RELCH: variants seen among roughly 807,000 people sequenced by gnomAD.
The protein encoded by RELCH is RAB11-binding protein RELCH.
A neutral mutation model predicts 150.3 loss-of-function variants in RELCH; 41 were observed. The observed-to-expected ratio is 0.27, with a 90% CI of 0.21 to 0.35. The LOEUF (loss-of-function observed/expected upper bound fraction) is 0.35, where lower values mean the gene tolerates loss of function less well. Among genes scored for constraint, RELCH ranks in the 10% least tolerant of loss-of-function variants. The pLI, the probability that RELCH is intolerant of heterozygous loss-of-function variation, is 1.00. For missense variants in RELCH, 1,092 were observed against 1,467.8 expected (o/e 0.74, Z 4.18); for synonymous variants, 478 against 531.8 (o/e 0.90, Z 1.39).
intron 1 of RELCH, among the ~76,000 whole-genome samples, chr18:62,200,964 C>CTTTTTTTTTTTTTT (rs543882947): frequency 1.8e-5 from 1 of 55,002 alleles, no homozygotes; most frequent in Non-Finnish European, 3.1e-5. Flanking sequence ...TTTTTCTTTG[C>CTTTTTTTTTTTTTT]TTTTTTTTTT....
intron 8 of RELCH, 57 bp downstream of exon 8, chr18:62,228,655 A>T: frequency 7.5e-7 from 1 of 1,340,332 alleles, no homozygotes; most frequent in Middle Eastern, 1.9e-4. Context: ...TACATGTCAA[A>T]CGGGAAGAGC....
chr18:62,274,222 G>T, intron 21 of RELCH, 136 bp downstream of exon 21: 1 of 586,248 alleles, frequency 1.7e-6, no homozygotes, highest in Non-Finnish European at 3.0e-6. Context: ...GGGTTTTTTT[G>T]TGTATTTTAG....
chr18:62,296,560 TG>T (rs1369909418), intron 27 of RELCH, among the ~76,000 whole-genome samples: 1 of 151,982 alleles, frequency 6.6e-6, no homozygotes, highest in Non-Finnish European at 1.5e-5. Context: ...CACTCCAGCC[TG>T]GGCAACAAGA....
intron 1 of RELCH, among the ~76,000 whole-genome samples, chr18:62,197,093 GAT>G (rs2039100679): frequency 6.6e-6 from 1 of 152,128 alleles, no homozygotes. Flanking sequence ...GTGAAGGAAA[GAT>G]AATAGCTCTT....
intron 1 of RELCH, among the ~76,000 whole-genome samples, chr18:62,191,980 C>T (rs1428446310): frequency 6.6e-6 from 1 of 152,180 alleles, no homozygotes; most frequent in Non-Finnish European, 1.5e-5. Flanking sequence ...CGCTGTCTTC[C>T]ACAATGGTTT....
rs61686710 is a variant in RELCH, at chr18:62,285,119, TTTTGTTTG to T, written c.3254-2209_3254-2202del. On this transcript the variant is annotated intron_variant, in intron 25 of 28. Coordinates refer to ENST00000644646, the MANE Select transcript of RELCH (RefSeq NM_001346231.2). Reference sequence around the variant, plus strand: ...TTTGAACGTTTTCTGATATACAGTTTTTTGTTTGTTTGTTTGTTTGTTTGTTTGTTGTT... The same window carrying T: ...TTTGAACGTTTTCTGATATACAGTTTTTTGTTTGTTTGTTTGTTTGTTGTT... Among the ~76,000 whole-genome samples the T allele has an allele frequency of 1.4e-4, 21 of 150,840 alleles. 1 individual carries two copies. Among genetic ancestry groups the T allele is most frequent in the Admixed American group, 4.0e-4 (6 of 15,138 alleles).
rs546632543 is a variant in RELCH at position 62,261,540 on chromosome 18, A to C, written c.2232A>C (p.Lys744Asn). Residue 744 changes from lysine (K) to asparagine (N), a missense_variant, in exon 16 of 29, where the codon AAA becomes AAC. By Grantham distance (94) the Lys-to-Asn change is moderately conservative (BLOSUM62 0). This residue lies in a region of RELCH where 707 missense variants were observed against 1,025.4 expected (regional missense o/e 0.69). Transcript: ENST00000644646. ...GAGAACATGGACTGGATGAACACAAACTCCACATGTATCTTTCTGCCTTGC... is the reference window on the plus strand; with the variant it reads ...GAGAACATGGACTGGATGAACACAACCTCCACATGTATCTTTCTGCCTTGC... ...REGEHGLDEH[K>N]LHMYLSALQS... is the part of the protein sequence containing the mutation. 18 of 1,611,772 alleles carry C rather than the reference A, an allele frequency of 1.1e-5. No homozygotes were observed. The Admixed American group carries it at 2.2e-4, about 19-fold the overall frequency.
chr18:62,287,576 G>T, intron 26 of RELCH, 109 bp downstream of exon 26: 1 of 696,852 alleles, frequency 1.4e-6, no homozygotes, highest in Non-Finnish European at 2.5e-6. Context: ...CTTACATTAA[G>T]CGTTGTAGAA....
intron 23 of RELCH, chr18:62,280,252 A>G: frequency 1.2e-6 from 1 of 862,470 alleles, no homozygotes; most frequent in South Asian, 1.5e-5. Flanking sequence ...GTGGATGACT[A>G]AACCAAGAAA....
chr18:62,282,253 A>G (rs2044554266), intron 24 of RELCH, 53 bp from the exon 25 acceptor site: 2 of 1,497,022 alleles, frequency 1.3e-6, no homozygotes, highest in Non-Finnish European at 1.9e-6. Context: ...CTTTAACAAC[A>G]CTACTCAGTT....
chr18:62,226,889 T>C (rs2041249049), intron 5 of RELCH, among the ~76,000 whole-genome samples: 1 of 152,094 alleles, frequency 6.6e-6, no homozygotes, highest in Admixed American at 6.6e-5. Flanking sequence ...ATGTTGGGTT[T>C]TCAATATATT....
intron 7 of RELCH, 22 bp downstream of exon 7, chr18:62,227,711 C>T (rs766692891): frequency 2.4e-6 from 3 of 1,239,526 alleles, no homozygotes; most frequent in Non-Finnish European, 3.4e-6. Context: ...ATCATTATTC[C>T]TAAAAATCCT....
chr18:62,259,956 GAAAA>G (rs1258573325), intron 15 of RELCH, among the ~76,000 whole-genome samples: 2 of 151,672 alleles, frequency 1.3e-5, no homozygotes, highest in Non-Finnish European at 3.0e-5. Context: ...ACTACTAAAA[GAAAA>G]CATTGTTTCA....
At position 62,194,181 on chromosome 18, in the gene RELCH, A is replaced by G. The variant is rs1012537861; in HGVS notation, c.526+6150A>G. ...GAGGATCGCTTGAGCCCAGGTGGCC[A>G]AGGCTGCAGTGAGCCATGATACCAC... is the stretch of plus-strand genomic sequence containing the variant. On this transcript the variant is annotated intron_variant, in intron 1 of 28. Coordinates refer to ENST00000644646, the MANE Select transcript of RELCH (RefSeq NM_001346231.2). Among the ~76,000 whole-genome samples, 5 of 152,126 alleles carry G rather than the reference A, an allele frequency of 3.3e-5. No individual in the cohort carries two copies. In the East Asian group the frequency reaches 9.6e-4, roughly 29 times the overall value.
intron 21 of RELCH, among the ~76,000 whole-genome samples, chr18:62,274,342 TG>T (rs1432004136): frequency 6.6e-6 from 1 of 152,184 alleles, no homozygotes; most frequent in Non-Finnish European, 1.5e-5. Flanking sequence ...TTGAAGCAGT[TG>T]GAGAAATAAA....
chr18:62,272,101 T>G (rs2144821686), intron 20 of RELCH, among the ~76,000 whole-genome samples: 1 of 152,306 alleles, frequency 6.6e-6, no homozygotes, highest in South Asian at 2.1e-4. Context: ...AATTTTTCTT[T>G]TCTACACTAG....
chr18:62,283,898 G>A (rs1042557898), intron 25 of RELCH, among the ~76,000 whole-genome samples: 1 of 152,110 alleles, frequency 6.6e-6, no homozygotes, highest in Non-Finnish European at 1.5e-5. Flanking sequence ...AGTTAAATGG[G>A]TATTTGATAT....
At chr18:62,188,326 G>A (rs1419814007) in intron 1 of RELCH, among the ~76,000 whole-genome samples, 1 of 152,142 alleles carries the variant, frequency 6.6e-6, no homozygotes, top group Non-Finnish European at 1.5e-5. Flanking sequence ...GACTCCAGAA[G>A]GTTCCCTTTT....
intron 28 of RELCH, among the ~76,000 whole-genome samples, chr18:62,299,275 A>T (rs1018670099): frequency 6.6e-6 from 1 of 152,186 alleles, no homozygotes; most frequent in Admixed American, 6.5e-5. Flanking sequence ...ACATGCTTCT[A>T]ATCAAACTAA....
Sources: allele counts gnomAD v4.1 joint callset (sites outside exome capture counted in the v4.1 genomes callset), GRCh38; gene constraint gnomAD v4.1.1; regional missense constraint gnomAD v4.1.1; transcripts MANE v1.5; gene names NCBI Gene and HGNC (gene_info 2026-07-23, HGNC 2026-07-21).